The following PTPRG variants were observed in gnomAD, a reference collection of about 807,000 sequenced individuals.
The protein encoded by PTPRG is protein tyrosine phosphatase receptor type G, also known as receptor-type tyrosine-protein phosphatase gamma.
A neutral mutation model predicts 165.3 loss-of-function variants in PTPRG; 102 were observed. The ratio of observed to expected loss-of-function variants is 0.62; its 90% CI spans 0.53 to 0.73. The LOEUF (loss-of-function observed/expected upper bound fraction) is 0.73. PTPRG is among the 30% of genes least tolerant of loss of function. The probability of loss-of-function intolerance (pLI) is 0.00; values close to 1 mark genes in which losing one functional copy is unlikely to be tolerated. For missense variants in PTPRG, 1,866 were observed against 1,861.4 expected, an observed-to-expected ratio of 1.00 and a Z score of -0.05; for synonymous variants, 675 against 669.5, an observed-to-expected ratio of 1.01 and a Z score of -0.13.
chr3:61,920,929 A>C (rs1417446381), intron 2 of PTPRG, among the ~76,000 whole-genome samples: 2 of 152,208 alleles, frequency 1.3e-5, no homozygotes, highest in Non-Finnish European at 2.9e-5. Flanking sequence ...ATTTGGTGAA[A>C]TATGATGTTT....
At chr3:61,587,813 T>C (rs1248174314) in intron 1 of PTPRG, among the ~76,000 whole-genome samples, 13 of 152,066 alleles carry the variant, frequency 8.5e-5, no homozygotes, top group Admixed American at 8.5e-4. Flanking sequence ...CACACCACCA[T>C]GTCCAGCTAG....
intron 2 of PTPRG, among the ~76,000 whole-genome samples, chr3:61,926,612 C>T (rs955596794): frequency 7.3e-6 from 1 of 136,182 alleles, no homozygotes; most frequent in Non-Finnish European, 1.5e-5. Flanking sequence ...TCCCTCCCTC[C>T]TTCCTTCCTT....
At chr3:61,636,150 A>G (rs566165012) in intron 1 of PTPRG, among the ~76,000 whole-genome samples, 2 of 152,292 alleles carry the variant, frequency 1.3e-5, no homozygotes, top group African/African-American at 4.8e-5. Flanking sequence ...ACAGACAACT[A>G]AATGCTCCAG....
At chr3:62,060,120 G>T (rs1029182197) in intron 4 of PTPRG, among the ~76,000 whole-genome samples, 1 of 151,478 alleles carries the variant, frequency 6.6e-6, no homozygotes, top group African/African-American at 2.4e-5. Context: ...CCCCAGGCAG[G>T]AGGATCGTTT....
rs185217047 is a variant in PTPRG at position 61,631,230 on chromosome 3, A to G, written c.85+68858A>G. Among the ~76,000 whole-genome samples the G allele has an allele frequency of 1.5e-3, 232 of 152,226 alleles. 1 individual carries two copies. The highest frequency in any genetic ancestry group is 5.4e-3 in the African/African-American group (223 of 41,534). On this transcript the variant is annotated intron_variant, in intron 1 of 29. Coordinates refer to ENST00000474889, the MANE Select transcript of PTPRG (RefSeq NM_002841.4). The stretch of plus-strand genomic sequence containing the variant: ...GGTAAGAAAAAAAAAATGGGTAGCA[A>G]CCTTTTGCCAGGTGTGACAATTTCT...
chr3:62,008,941 C>T (rs2041357303), intron 4 of PTPRG, among the ~76,000 whole-genome samples: 2 of 152,160 alleles, frequency 1.3e-5, no homozygotes, highest in South Asian at 2.1e-4. Flanking sequence ...TGTTGGAGCC[C>T]ATGTGCCATG....
At chr3:62,140,754 G>A (rs550936924) in intron 6 of PTPRG, among the ~76,000 whole-genome samples, 1 of 151,542 alleles carries the variant, frequency 6.6e-6, no homozygotes, top group Non-Finnish European at 1.5e-5. Context: ...GACTGAGGCA[G>A]GAGAATCACT....
At chr3:61,582,902 AT>A (rs1353558909) in intron 1 of PTPRG, among the ~76,000 whole-genome samples, 1 of 152,232 alleles carries the variant, frequency 6.6e-6, no homozygotes, top group East Asian at 1.9e-4. Context: ...ACTGAAGCTA[AT>A]AACATGCTGA....
chr3:62,073,502 T>A (rs541397814), intron 4 of PTPRG, among the ~76,000 whole-genome samples: 113 of 152,160 alleles, frequency 7.4e-4, no homozygotes, highest in Middle Eastern at 3.4e-3. Context: ...TTTTTGAGAC[T>A]GAGTCTCACT....
intron 1 of PTPRG, among the ~76,000 whole-genome samples, chr3:61,604,748 T>C (rs1700954957): frequency 1.3e-5 from 2 of 150,012 alleles, no homozygotes; most frequent in Admixed American, 6.7e-5. Context: ...AGTTTTTTTT[T>C]CCCCCTAGAA....
chr3:61,832,716 A>G (rs1216622125), intron 2 of PTPRG, among the ~76,000 whole-genome samples: 1 of 152,000 alleles, frequency 6.6e-6, no homozygotes, highest in African/African-American at 2.4e-5. Flanking sequence ...TCTAGTTTGT[A>G]TTTCAGTAGG....
intron 13 of PTPRG, among the ~76,000 whole-genome samples, chr3:62,225,553 A>G (rs1700744127): frequency 6.6e-6 from 1 of 151,602 alleles, no homozygotes; most frequent in Non-Finnish European, 1.5e-5. Flanking sequence ...GGGATGTTGC[A>G]TAGAAGGTAG....
intron 4 of PTPRG, among the ~76,000 whole-genome samples, chr3:62,038,832 T>G (rs6796835): frequency 0.082 from 12,414 of 152,232 alleles, 538 homozygotes; most frequent in African/African-American, 0.1. Context: ...CAGGAGTACA[T>G]GTGCAGGCTT....
chr3:61,921,721 T>C (rs534359614), intron 2 of PTPRG, among the ~76,000 whole-genome samples: 1 of 152,226 alleles, frequency 6.6e-6, no homozygotes, highest in African/African-American at 2.4e-5. Flanking sequence ...CATTATTTAT[T>C]TGAAAATATT....
In PTPRG at chr3:62,252,314, A is replaced by G. The variant is rs182133597; in HGVS notation, c.2468-2810A>G. ...TAGGTGCTCAGAAACGGCTTCATCC[A>G]GGGGTTTCCCATTCTCTCTGAGTCG... is the stretch of plus-strand genomic sequence containing the variant. On this transcript the variant is annotated intron_variant, in intron 15 of 29. Transcript: ENST00000474889. This position sits in a 1 kb window ranked among gnomAD's most constrained non-coding sequence, Gnocchi z 4.6. 2.6e-5 allele frequency among the ~76,000 whole-genome samples: 4 copies of G among 152,192 alleles called. No homozygotes were observed. Among genetic ancestry groups the G allele is most frequent in the African/African-American group, 7.2e-5 (3 of 41,444 alleles).
At position 62,157,177 on chromosome 3, in the gene PTPRG, G is replaced by A; in HGVS notation, c.793G>A (p.Val265Met). ...SLTTPPCSEIVEWIVFRRPVP... is the reference protein window; with the variant it reads ...SLTTPPCSEIMEWIVFRRPVP... ...GACCACACCACCGTGTAGCGAAATA[G>A]TGGAGTGGATAGTCTTCCGGAGACC... is the stretch of plus-strand genomic sequence containing the variant. Residue 265 changes from valine (V) to methionine (M), a missense_variant, in exon 7 of 30, where the codon GTG (valine) becomes ATG (methionine). Physicochemically the swap from Val to Met is conservative, Grantham distance 21 (BLOSUM62 1). This residue lies in a region of PTPRG where 408 missense variants were observed against 376.2 expected (regional missense o/e 1.08). Transcript: ENST00000474889. The A allele has an allele frequency of 6.2e-7, 1 of 1,614,016 alleles. No homozygotes were observed. Among genetic ancestry groups the A allele is most frequent in the South Asian group, 1.1e-5 (1 of 91,078 alleles).
At chr3:62,011,483 C>G (rs1344775121) in intron 4 of PTPRG, among the ~76,000 whole-genome samples, 1 of 152,124 alleles carries the variant, frequency 6.6e-6, no homozygotes, top group Non-Finnish European at 1.5e-5. Flanking sequence ...AGAGATCATC[C>G]CATGGTTATC....
rs1380119664 is a variant in PTPRG, at chr3:62,233,844, G to A, written c.2375+2533G>A. ...AAAAAACATTGAAGATCAGACCCAA[G>A]TATTTAATTTTTTAATAAAGCTGAT... On this transcript the variant is annotated intron_variant, in intron 14 of 29. Transcript: ENST00000474889. This position sits in a 1 kb window ranked among gnomAD's most constrained non-coding sequence, Gnocchi z 4.7. Among the ~76,000 whole-genome samples the A allele has an allele frequency of 6.6e-6, 1 of 152,168 alleles. No homozygotes were observed. Among genetic ancestry groups the A allele is most frequent in the Non-Finnish European group, 1.5e-5 (1 of 68,040 alleles).
At chr3:61,748,319 C>T (rs1446907578) in intron 1 of PTPRG, among the ~76,000 whole-genome samples, 2 of 152,156 alleles carry the variant, frequency 1.3e-5, no homozygotes, top group African/African-American at 4.8e-5. Flanking sequence ...CTACTGCATA[C>T]CTACTGGGTG....
Sources: gnomAD v4.1 joint callset for allele counts (sites outside exome capture counted in the v4.1 genomes callset) on GRCh38, gnomAD v4.1.1 for gene constraint, gnomAD v4.1.1 regional missense constraint, Gnocchi (gnomAD v3.1) non-coding constraint, MANE v1.5 for transcripts, NCBI Gene and HGNC (gene_info 2026-07-23, HGNC 2026-07-21) for gene names.